The following PARD3B variants were observed in gnomAD, a reference collection of about 807,000 sequenced individuals.
PARD3B encodes the protein partitioning defective 3 homolog B.
A neutral mutation model predicts 130.2 loss-of-function variants in PARD3B; 103 were observed. That is an observed-to-expected ratio of 0.79 (90% CI 0.67 to 0.93). PARD3B has a LOEUF of 0.93. PARD3B is among the 40% of genes least tolerant of loss of function. The pLI is 0.00. For synonymous variants in PARD3B, 583 were observed against 553.2 expected (o/e 1.05, Z -0.76); for missense variants, 1,609 against 1,499.2 (o/e 1.07, Z -1.21).
intron 19 of PARD3B, among the ~76,000 whole-genome samples, chr2:205,428,925 A>C (rs1401432015): frequency 6.6e-6 from 1 of 152,146 alleles, no homozygotes; most frequent in Non-Finnish European, 1.5e-5. Context: ...ACTAAAAACA[A>C]AGGGGTCCTT....
intron 2 of PARD3B, among the ~76,000 whole-genome samples, chr2:204,709,821 T>A (rs2038350534): frequency 6.6e-6 from 1 of 152,204 alleles, no homozygotes; most frequent in South Asian, 2.1e-4. Flanking sequence ...TGCTCAGAAT[T>A]TTAAATTTGC....
intron 1 of PARD3B, among the ~76,000 whole-genome samples, chr2:204,666,117 C>T (rs1302589779): frequency 6.6e-5 from 10 of 152,140 alleles, no homozygotes; most frequent in Admixed American, 5.2e-4. Flanking sequence ...ATGGATTGGG[C>T]TCTCAAGTGG....
intron 11 of PARD3B, 119 bp from the exon 12 acceptor site, chr2:205,172,092 A>C: frequency 2.1e-6 from 2 of 971,714 alleles, no homozygotes; most frequent in Non-Finnish European, 3.0e-6. Context: ...ATCACTTCTA[A>C]CAGCTAGGTT....
intron 3 of PARD3B, among the ~76,000 whole-genome samples, chr2:205,016,014 G>A (rs914200153): frequency 6.6e-6 from 1 of 152,120 alleles, no homozygotes; most frequent in African/African-American, 2.4e-5. Context: ...AATTGGTTTT[G>A]TCTCTCCAAA....
chr2:205,004,877 C>A (rs1477640285), intron 3 of PARD3B, among the ~76,000 whole-genome samples: 1 of 152,106 alleles, frequency 6.6e-6, no homozygotes, highest in South Asian at 2.1e-4. Context: ...CAATCTCTCC[C>A]CCTCAGTATA....
intron 2 of PARD3B, among the ~76,000 whole-genome samples, chr2:204,953,420 C>CAGAG (rs138644226): frequency 0.017 from 2,122 of 123,162 alleles, 39 homozygotes; most frequent in Middle Eastern, 0.042. Context: ...TACACACACA[C>CAGAG]AGAGAGAGAG....
At chr2:204,957,950 C>G (rs574511820) in intron 2 of PARD3B, among the ~76,000 whole-genome samples, 1 of 151,988 alleles carries the variant, frequency 6.6e-6, no homozygotes, top group East Asian at 1.9e-4. Flanking sequence ...GTTGGTAACA[C>G]AGAATATGTA....
chr2:205,311,927 T>C (rs2042400929), intron 18 of PARD3B, among the ~76,000 whole-genome samples: 1 of 152,232 alleles, frequency 6.6e-6, no homozygotes, highest in Admixed American at 6.5e-5. Flanking sequence ...TTGGACTTGG[T>C]ATTCTTAATG....
rs139843896 is a variant in PARD3B at position 205,142,881 on chromosome 2, A to AAAATAAATAAATAAATAAATAAAT, written c.1435-15834_1435-15811dup. Among the ~76,000 whole-genome samples, 6 of 146,736 alleles carry AAAATAAATAAATAAATAAATAAAT rather than the reference A, an allele frequency of 4.1e-5. No homozygotes were observed. The highest frequency in any genetic ancestry group is 1.4e-4 in the Admixed American group (2 of 14,580). ...TGACAGGATGAGACTTCGGTCTCAA[A>AAAATAAATAAATAAATAAATAAAT]AAATAAATAAATAAATAAATAAATA... On this transcript the variant is annotated intron_variant, in intron 10 of 22. Coordinates refer to ENST00000406610, the MANE Select transcript of PARD3B (RefSeq NM_001302769.2). This position sits in a 1 kb window ranked among gnomAD's most constrained non-coding sequence, Gnocchi z 4.3.
At position 205,513,117 on chromosome 2, in the gene PARD3B, G is replaced by C. The variant is rs376924172; in HGVS notation, c.3180+13086G>C. 3.1e-4 allele frequency among the ~76,000 whole-genome samples: 47 copies of C among 151,882 alleles called. 1 individual carries two copies. In the East Asian group the frequency reaches 4.4e-3, roughly 14 times the overall value. On this transcript the variant is annotated intron_variant, in intron 21 of 22. Coordinates refer to ENST00000406610, the MANE Select transcript of PARD3B (RefSeq NM_001302769.2). ...ACAATATGTGTATGTGGTTATAAGGGAATCAGAGACTCTCATTTCAGAGGA... is the reference window on the plus strand; with the variant it reads ...ACAATATGTGTATGTGGTTATAAGGCAATCAGAGACTCTCATTTCAGAGGA...
At chr2:205,526,210 C>A (rs1225000302) in intron 21 of PARD3B, among the ~76,000 whole-genome samples, 1 of 152,190 alleles carries the variant, frequency 6.6e-6, no homozygotes, top group African/African-American at 2.4e-5. Context: ...TTATCCCTGT[C>A]CCTCTGTGTA....
intron 16 of PARD3B, among the ~76,000 whole-genome samples, chr2:205,271,201 C>T (rs2040711943): frequency 6.6e-6 from 1 of 152,266 alleles, no homozygotes; most frequent in East Asian, 1.9e-4. Flanking sequence ...TTAAGGATTT[C>T]AGAAGCTAGG....
chr2:204,619,781 A>G (rs563025054), intron 1 of PARD3B, among the ~76,000 whole-genome samples: 9 of 152,190 alleles, frequency 5.9e-5, no homozygotes, highest in Non-Finnish European at 1.2e-4. Context: ...AACAGAGTGT[A>G]ATTGTTTAGA....
At chr2:205,076,600 A>G (rs916471554) in intron 4 of PARD3B, among the ~76,000 whole-genome samples, 6 of 152,176 alleles carry the variant, frequency 3.9e-5, no homozygotes, top group African/African-American at 1.2e-4. Context: ...GGTAAGCAGT[A>G]GGCAAGAAAG....
intron 4 of PARD3B, among the ~76,000 whole-genome samples, chr2:205,099,380 T>C (rs2125560222): frequency 6.6e-6 from 1 of 152,340 alleles, no homozygotes; most frequent in Non-Finnish European, 1.5e-5. Context: ...CTCTGATTCT[T>C]CATAATCAGG....
In PARD3B at chr2:204,623,629, C is replaced by T. The variant is rs1231711451; in HGVS notation, c.121-62552C>T. 6.6e-6 allele frequency among the ~76,000 whole-genome samples: 1 copy of T among 151,954 alleles called. No homozygotes were observed. The highest frequency in any genetic ancestry group is 2.4e-5 in the African/African-American group (1 of 41,366). On this transcript the variant is annotated intron_variant, in intron 1 of 22. Transcript: ENST00000406610. This position sits in a 1 kb window ranked among gnomAD's most constrained non-coding sequence, Gnocchi z 4.5. The stretch of plus-strand genomic sequence containing the variant: ...TGTTGCATGTATCAATAATTCATTC[C>T]CTTTTTCTTTATTGTGGTAAGAACA...
In PARD3B at chr2:205,568,183, C is replaced by T. The variant is rs1311720821; in HGVS notation, c.3260+14780C>T. Among the ~76,000 whole-genome samples the T allele has an allele frequency of 6.6e-6, 1 of 152,140 alleles. No individual in the cohort carries two copies. The highest frequency in any genetic ancestry group is 1.9e-4 in the East Asian group (1 of 5,182). On this transcript the variant is annotated intron_variant, in intron 22 of 22. Transcript: ENST00000406610. This position sits in a 1 kb window ranked among gnomAD's most constrained non-coding sequence, Gnocchi z 5.3. The stretch of plus-strand genomic sequence containing the variant: ...TGCCACAACTAAGGAAGTGTGAAGG[C>T]TCAGGGTTCAAAGCAGATCAGTTGT...
chr2:204,626,083 A>T (rs1163884847), intron 1 of PARD3B, among the ~76,000 whole-genome samples: 1 of 152,114 alleles, frequency 6.6e-6, no homozygotes, highest in Admixed American at 6.6e-5. Flanking sequence ...TAATTTTTTG[A>T]CTTTAGTTTT....
intron 11 of PARD3B, among the ~76,000 whole-genome samples, chr2:205,166,056 A>G (rs1252557537): frequency 6.6e-6 from 1 of 152,174 alleles, no homozygotes; most frequent in East Asian, 1.9e-4. Context: ...CAGGACCAAA[A>G]CACCTGACTG....
Sources: gnomAD v4.1 joint callset for allele counts (sites outside exome capture counted in the v4.1 genomes callset) on GRCh38, gnomAD v4.1.1 for gene constraint, Gnocchi (gnomAD v3.1) non-coding constraint, MANE v1.5 for transcripts, NCBI Gene and HGNC (gene_info 2026-07-23, HGNC 2026-07-21) for gene names.